The following RAB36 variants were observed in gnomAD, a reference collection of about 807,000 sequenced individuals.
RAB36 encodes RAB36, member RAS oncogene family, also known as ras-related protein Rab-36.
Under a neutral mutation model 39.3 loss-of-function variants are expected in RAB36, and 33 were observed. The ratio of observed to expected loss-of-function variants is 0.84; its 90% CI spans 0.64 to 1.12. The LOEUF (loss-of-function observed/expected upper bound fraction) is 1.12. RAB36 is among the 50% of genes most tolerant of loss of function. The pLI is 0.00. For missense variants in RAB36, 308 were observed against 355.3 expected (o/e 0.87, Z 1.07); for synonymous variants, 133 against 140.2 (o/e 0.95, Z 0.36).
In RAB36 at chr22:23,150,281, G is replaced by A; in HGVS notation, c.161+127G>A. 4.3e-6 allele frequency: 3 copies of A among 693,830 alleles called. 1 individual carries two copies. The South Asian group carries it at 5.2e-5, about 12-fold the overall frequency. 43.0% of individuals were successfully genotyped at this position (693,830 alleles called of 1,614,324 possible). A position where few individuals can be genotyped will look rare whatever the true frequency, so the allele number is the denominator to read the frequency against. On this transcript the variant is annotated intron_variant, in intron 3 of 10. Coordinates refer to ENST00000263116, the MANE Select transcript of RAB36 (RefSeq NM_004914.5). ...TGCAGCCCTGTACAGGCCTGAAGAT[G>A]ACTGGGGTTTTCTTTTTTTTTTCTT...
chr22:23,153,136 T>A lies in RAB36; in HGVS notation c.329+2T>A. 2 of 1,612,514 alleles carry A rather than the reference T, an allele frequency of 1.2e-6. No homozygotes were observed. Among genetic ancestry groups the A allele is most frequent in the East Asian group, 4.5e-5 (2 of 44,876 alleles). Reference sequence around the variant, plus strand: ...TGGGATTCCCTATAGCCTCCAGATGTAAGTTGCTGGTTCCCCCATGGCTCG... The same window carrying A: ...TGGGATTCCCTATAGCCTCCAGATGAAAGTTGCTGGTTCCCCCATGGCTCG... On this transcript the variant is annotated splice_donor_variant, in intron 5 of 10. Transcript: ENST00000263116. LOFTEE classifies it high-confidence loss of function.
At chr22:23,167,557 G>A (rs915274110), downstream of RAB36, among the ~76,000 whole-genome samples, 1 of 152,172 alleles carries the variant, frequency 6.6e-6, no homozygotes, top group Non-Finnish European at 1.5e-5. Context: ...ATGGACCACT[G>A]TCAGACAAAC....
chr22:23,147,754 C>T (rs945879083), intron 2 of RAB36, among the ~76,000 whole-genome samples: 12 of 152,174 alleles, frequency 7.9e-5, no homozygotes, highest in Admixed American at 5.2e-4. Flanking sequence ...TAAACATCCT[C>T]GGAGAGGGGA....
At chr22:23,156,194 T>G in intron 6 of RAB36, 162 bp downstream of exon 6, 1 of 610,776 alleles carries the variant, frequency 1.6e-6, no homozygotes, top group Non-Finnish European at 2.9e-6. Context: ...GGAAGCTGCC[T>G]TCATCCCCAG....
chr22:23,169,052 G>A (rs1037166531), downstream of RAB36, among the ~76,000 whole-genome samples: 9 of 152,178 alleles, frequency 5.9e-5, no homozygotes, highest in African/African-American at 2.2e-4. Flanking sequence ...AGGAGACTCC[G>A]CTGGGATTCT....
chr22:23,146,101 G>T, intron 1 of RAB36: 1 of 832,534 alleles, frequency 1.2e-6, no homozygotes, highest in South Asian at 5.5e-5. Context: ...TGACTCCCAG[G>T]CAGGGTGGGG....
At position 23,159,232 on chromosome 22, in the gene RAB36, T is replaced by C; in HGVS notation, c.598T>C (p.Trp200Arg). The C allele has an allele frequency of 4.4e-6, 7 of 1,600,732 alleles. No homozygotes were observed. Among genetic ancestry groups the C allele is most frequent in the Non-Finnish European group, 6.0e-6 (7 of 1,174,068 alleles). Residue 200 changes from tryptophan to arginine, a missense_variant, in exon 9 of 11, where the codon TGG (tryptophan) becomes CGG (arginine). Transcript: ENST00000263116. ...HLAREMQAEY[W>R]SVSAKTGENV... The stretch of plus-strand genomic sequence containing the variant: ...GGCCAGGGAGATGCAGGCCGAGTAC[T>C]GGTCAGTGTCGGCCAAGACTGGTGA...
Position 23,161,650 on chromosome 22 carries a change from C to T in RAB36, c.*86C>T. On this transcript the variant is annotated 3_prime_UTR_variant, in exon 11 of 11. Transcript: ENST00000263116. Reference sequence around the variant, plus strand: ...TGTGGTGTGGAGACTGGAGCCCAAGCTCTGCAGCGTGTCGCCCTCAAGCTG... The same window carrying T: ...TGTGGTGTGGAGACTGGAGCCCAAGTTCTGCAGCGTGTCGCCCTCAAGCTG... The T allele has an allele frequency of 2.5e-6, 3 of 1,213,520 alleles. No individual in the cohort carries two copies. Among genetic ancestry groups the T allele is most frequent in the Non-Finnish European group, 3.5e-6 (3 of 863,132 alleles). The allele number at this position is 1,213,520 out of a possible 1,614,324, so 75.2% of individuals were successfully genotyped here. A position where few individuals can be genotyped will look rare whatever the true frequency, so the allele number is the denominator to read the frequency against.
chr22:23,151,983 G>A (rs1389343207), intron 3 of RAB36, among the ~76,000 whole-genome samples: 1 of 152,218 alleles, frequency 6.6e-6, no homozygotes, highest in Non-Finnish European at 1.5e-5. Flanking sequence ...GCAAGAGGCC[G>A]GAGCCCACAT....
Position 23,162,781 on chromosome 22 carries a change from G to A in RAB36, c.*1217G>A, listed in dbSNP as rs1401831988. 2.2e-6 allele frequency: 1 copy of A among 455,926 alleles called. No individual in the cohort carries two copies. The highest frequency in any genetic ancestry group is 4.4e-6 in the Non-Finnish European group (1 of 226,792). 28.2% of individuals were successfully genotyped at this position (455,926 alleles called of 1,614,324 possible). ...CTTCTGATCAGTACTGCTCTCCTAG[G>A]GCCTGGCACACTGCAGCTGCCCTGT... On this transcript the variant is annotated 3_prime_UTR_variant, in exon 11 of 11. Coordinates refer to ENST00000263116, the MANE Select transcript of RAB36 (RefSeq NM_004914.5).
intron 5 of RAB36, among the ~76,000 whole-genome samples, chr22:23,154,382 C>A (rs796640785): frequency 3.3e-5 from 5 of 152,358 alleles, no homozygotes; most frequent in Admixed American, 1.3e-4. Context: ...GAGATAGTGC[C>A]CCCTTCTCTC....
In RAB36 at chr22:23,164,885, C is replaced by T. The variant is rs552567968; in HGVS notation, c.*3321C>T. ...GCTCTCGCTCTGGCTTTCGAGGCTC[C>T]TCACCACCCAGCCCACCCCACCCCC... On this transcript the variant is annotated 3_prime_UTR_variant, in exon 11 of 11. Transcript: ENST00000263116. Among the ~76,000 whole-genome samples the T allele has an allele frequency of 3.9e-4, 59 of 152,158 alleles. No individual in the cohort carries two copies. The highest frequency in any genetic ancestry group is 1.3e-3 in the African/African-American group (52 of 41,504).
At position 23,159,243 on chromosome 22, in the gene RAB36, G is replaced by A. The variant is rs1272391256; in HGVS notation, c.609G>A (p.Ser203=). ...REMQAEYWSV[S]AKTGENVKAF... ...TGCAGGCCGAGTACTGGTCAGTGTCGGCCAAGACTGGTGAGTGGGCCAGGG... is the reference window on the plus strand; with the variant it reads ...TGCAGGCCGAGTACTGGTCAGTGTCAGCCAAGACTGGTGAGTGGGCCAGGG... The change falls in exon 9 of 11, where the codon TCG becomes TCA. Residue 203 remains serine (S), a synonymous_variant. Coordinates refer to ENST00000263116, the MANE Select transcript of RAB36 (RefSeq NM_004914.5). The A allele has an allele frequency of 1.6e-5, 26 of 1,591,622 alleles. No homozygotes were observed. Among genetic ancestry groups the A allele is most frequent in the Non-Finnish European group, 2.1e-5 (24 of 1,169,546 alleles).
intron 7 of RAB36, among the ~76,000 whole-genome samples, chr22:23,158,610 T>C (rs745506048): frequency 1.6e-4 from 25 of 152,330 alleles, no homozygotes; most frequent in Non-Finnish European, 3.2e-4. Flanking sequence ...TTCTAGTTGA[T>C]AAACATGCAG....
intron 3 of RAB36, 147 bp downstream of exon 3, chr22:23,150,301 T>G (rs1204459478): frequency 3.1e-6 from 2 of 639,354 alleles, no homozygotes; most frequent in Non-Finnish European, 5.3e-6. Context: ...TTCTTTTTTT[T>G]TTCTTTTTTT....
intron 7 of RAB36, among the ~76,000 whole-genome samples, chr22:23,158,593 G>A (rs77617494): frequency 6.6e-6 from 1 of 152,238 alleles, no homozygotes; most frequent in South Asian, 2.1e-4. Context: ...GGAGGCGGGG[G>A]TGATGGTTCT....
In RAB36 at chr22:23,159,195, C is replaced by T. The variant is rs370044495; in HGVS notation, c.561C>T (p.Asp187=). ...SGAACEQAEA[D]AVHLAREMQA... ...CCGCATGTGAGCAGGCCGAAGCAGACGCTGTGCACCTGGCCAGGGAGATGC... is the reference window on the plus strand; with the variant it reads ...CCGCATGTGAGCAGGCCGAAGCAGATGCTGTGCACCTGGCCAGGGAGATGC... The change falls in exon 9 of 11, where the codon GAC becomes GAT. Residue 187 remains aspartate, a synonymous_variant. Coordinates refer to ENST00000263116, the MANE Select transcript of RAB36 (RefSeq NM_004914.5). 7 of 1,610,718 alleles carry T rather than the reference C, an allele frequency of 4.3e-6. No individual in the cohort carries two copies. The highest frequency in any genetic ancestry group is 1.1e-5 in the South Asian group (1 of 90,304).
At chr22:23,161,035 G>T in intron 10 of RAB36, 37 bp downstream of exon 10, 1 of 1,560,914 alleles carries the variant, frequency 6.4e-7, no homozygotes, top group South Asian at 1.1e-5. Context: ...CTGGGGAGTA[G>T]GCTGGAGGCC....
In RAB36 at chr22:23,156,029, C is replaced by T; in HGVS notation, c.391C>T (p.Gln131Ter). 4 of 1,611,744 alleles carry T rather than the reference C, an allele frequency of 2.5e-6. No individual in the cohort carries two copies. The highest frequency in any genetic ancestry group is 3.4e-6 in the Non-Finnish European group (4 of 1,178,930). Reference protein sequence around the residue: ...CIASAYYRGAQVIITAFDLTD... With the variant: ...CIASAYYRGA ...CGCATCTGCCTACTACCGGGGTGCC[C>T]AGGGTGAGCAACATGCCACGTCGGG... Residue 131 changes from glutamine (Q) to a stop codon, truncating the protein, a stop_gained, in exon 6 of 11, where the codon CAG (glutamine) becomes TAG (stop). Coordinates refer to ENST00000263116, the MANE Select transcript of RAB36 (RefSeq NM_004914.5). LOFTEE classifies it high-confidence loss of function.
Sources: allele counts gnomAD v4.1 joint callset (sites outside exome capture counted in the v4.1 genomes callset), GRCh38; gene constraint gnomAD v4.1.1; transcripts MANE v1.5; gene names NCBI Gene and HGNC (gene_info 2026-07-23, HGNC 2026-07-21).